JAK1: variants seen among roughly 807,000 people sequenced by gnomAD.
The protein encoded by JAK1 is Janus kinase 1.
Under a neutral mutation model 136.6 loss-of-function variants are expected in JAK1, and 16 were observed. That is an observed-to-expected ratio of 0.12 (90% CI 0.08 to 0.18). JAK1 has a LOEUF of 0.18. Ranked by LOEUF, JAK1 falls within the 10% of genes least tolerant of loss-of-function variation. The pLI, the probability that JAK1 is intolerant of heterozygous loss-of-function variation, is 1.00. For missense variants in JAK1, 859 were observed against 1,450.1 expected (o/e 0.59, Z 6.62); for synonymous variants, 492 against 519.5 (o/e 0.95, Z 0.72).
At chr1:64,912,956 T>G (rs1645309737) in intron 1 of JAK1, among the ~76,000 whole-genome samples, 1 of 152,184 alleles carries the variant, frequency 6.6e-6, no homozygotes, top group South Asian at 2.1e-4. Context: ...TTCCACTGGA[T>G]AAGGTAAAAT....
intron 3 of JAK1, among the ~76,000 whole-genome samples, chr1:64,882,692 T>C (rs1172585242): frequency 1.3e-5 from 2 of 152,278 alleles, no homozygotes; most frequent in East Asian, 3.9e-4. Context: ...AACTCTCACT[T>C]GAAAGGAGAA....
chr1:64,967,090 A>G (rs554871264), upstream of JAK1, among the ~76,000 whole-genome samples: 1 of 152,306 alleles, frequency 6.6e-6, no homozygotes, highest in Admixed American at 6.5e-5. Context: ...CATAATAGGA[A>G]TTAGAACTAC....
At chr1:65,010,374 A>G (rs77856835) in intron 2 of JAK1, among the ~76,000 whole-genome samples, 1,630 of 152,222 alleles carry the variant, frequency 0.011, 34 homozygotes, top group African/African-American at 0.037. Context: ...GCTCTGAGGG[A>G]AACCGGCTGC....
intron 2 of JAK1, among the ~76,000 whole-genome samples, chr1:65,008,632 T>C (rs1246703206): frequency 6.6e-6 from 1 of 151,266 alleles, no homozygotes; most frequent in Non-Finnish European, 1.5e-5. Flanking sequence ...CCCTTCCCCT[T>C]CCCCTTCCCC....
chr1:64,996,007 T>G (rs1569847873), intron 2 of JAK1, among the ~76,000 whole-genome samples: 1 of 152,192 alleles, frequency 6.6e-6, no homozygotes, highest in African/African-American at 2.4e-5. Flanking sequence ...CCATTGAAAG[T>G]GCTGGGATTA....
intron 1 of JAK1, among the ~76,000 whole-genome samples, chr1:64,945,249 T>C (rs2100543171): frequency 1.3e-5 from 2 of 152,214 alleles, no homozygotes; most frequent in Middle Eastern, 6.8e-3. Flanking sequence ...CAAAAATATG[T>C]AAATTTCAAG....
intron 12 of JAK1, 140 bp from the exon 13 acceptor site, chr1:64,847,815 C>G: frequency 1.1e-6 from 1 of 877,128 alleles, no homozygotes; most frequent in South Asian, 1.8e-5. Flanking sequence ...AGCTCGTGGT[C>G]CCCAGGCCTC....
rs564537559 is a variant in JAK1 at position 65,049,010 on chromosome 1, C to T, written c.-180-4428G>A. On this transcript the variant is annotated intron_variant, in intron 1 of 25. Transcript: ENST00000671954. ...CTATCCACCCCTAAGGCAACGGGAT[C>T]TATTTCTAGAATTGGAAGTCCCTCA... Among the ~76,000 whole-genome samples, 366 of 152,332 alleles carry T rather than the reference C, an allele frequency of 2.4e-3. 2 individuals carry two copies. Among genetic ancestry groups the T allele is most frequent in the African/African-American group, 8.5e-3 (353 of 41,568 alleles).
chr1:64,871,035 C>G (rs535829148), intron 5 of JAK1, among the ~76,000 whole-genome samples: 3 of 152,330 alleles, frequency 2.0e-5, no homozygotes, highest in African/African-American at 7.2e-5. Context: ...CTTTACACCT[C>G]TGCTCCCGGG....
At chr1:64,854,922 A>T (rs1459403066) in intron 11 of JAK1, among the ~76,000 whole-genome samples, 1 of 152,008 alleles carries the variant, frequency 6.6e-6, no homozygotes, top group Non-Finnish European at 1.5e-5. Context: ...TCCCACACTC[A>T]GTTCAAGAGC....
intron 2 of JAK1, among the ~76,000 whole-genome samples, chr1:65,018,460 T>C (rs952623873): frequency 1.3e-4 from 17 of 132,866 alleles, no homozygotes; most frequent in South Asian, 2.4e-4. Flanking sequence ...CACACATACA[T>C]ACAGAGAGAG....
At chr1:64,865,109 TG>T (rs1415060331) in intron 7 of JAK1, 137 bp from the exon 8 acceptor site, 3 of 659,632 alleles carry the variant, frequency 4.5e-6, no homozygotes, top group African/African-American at 3.6e-5. Context: ...CTTGCAGGAT[TG>T]GGGGAGTTGG....
chr1:64,833,496 T>TTGA lies in JAK1; in HGVS notation c.*1063_*1065dup, dbSNP rs773347211. On this transcript the variant is annotated 3_prime_UTR_variant, in exon 25 of 25. Coordinates refer to ENST00000342505, the MANE Select transcript of JAK1 (RefSeq NM_002227.4). Reference sequence around the variant, plus strand: ...ACATTGAATCAATGACTAAACATTTTTGATTACCCAGCTACCTCCAAGCAA... The same window carrying TTGA: ...ACATTGAATCAATGACTAAACATTTTTGATGATTACCCAGCTACCTCCAAGCAA... 5 of 232,948 alleles carry TTGA rather than the reference T, an allele frequency of 2.1e-5. No individual in the cohort carries two copies. The highest frequency in any genetic ancestry group is 3.4e-5 in the Non-Finnish European group (4 of 117,830). The allele number at this position is 232,948 out of a possible 1,614,324, so 14.4% of individuals were successfully genotyped here.
chr1:64,957,920 G>A (rs1284322359), intron 1 of JAK1, among the ~76,000 whole-genome samples: 2 of 149,772 alleles, frequency 1.3e-5, no homozygotes, highest in African/African-American at 2.5e-5. Flanking sequence ...GCCCGGCCTG[G>A]GCGAAAGAGC....
At chr1:64,842,326 ATTACT>A (rs1002300847) in intron 17 of JAK1, among the ~76,000 whole-genome samples, 9 of 152,212 alleles carry the variant, frequency 5.9e-5, no homozygotes, top group Admixed American at 5.9e-4. Flanking sequence ...TCAACTGTTT[ATTACT>A]TTAAATTTTA....
chr1:64,861,959 T>A (rs985919932), intron 8 of JAK1, among the ~76,000 whole-genome samples: 22 of 152,166 alleles, frequency 1.4e-4, no homozygotes, highest in Admixed American at 9.2e-4. Flanking sequence ...TAAGACCACA[T>A]CTGCACTTAC....
chr1:64,866,801 G>T, intron 7 of JAK1, 65 bp downstream of exon 7: 1 of 1,218,428 alleles, frequency 8.2e-7, no homozygotes, highest in Non-Finnish European at 1.2e-6. Flanking sequence ...ACTCCAGAAG[G>T]ATAAACAGCA....
intron 2 of JAK1, chr1:64,972,387 C>T (rs572029938): frequency 2.5e-4 from 38 of 152,264 alleles, no homozygotes; most frequent in African/African-American, 7.7e-4. Context: ...TTTGTGGAAA[C>T]TGAATAGAAA....
intron 5 of JAK1, among the ~76,000 whole-genome samples, chr1:64,869,753 C>T (rs376719685): frequency 4.6e-5 from 7 of 152,192 alleles, no homozygotes; most frequent in Admixed American, 2.6e-4. Context: ...ATAGAAGTGA[C>T]GCTGACAAAC....
Sources: allele counts gnomAD v4.1 joint callset (sites outside exome capture counted in the v4.1 genomes callset), GRCh38; gene constraint gnomAD v4.1.1; transcripts MANE v1.5; gene names NCBI Gene and HGNC (gene_info 2026-07-23, HGNC 2026-07-21).